The following GLIS3 variants were observed in gnomAD, a reference collection of about 807,000 sequenced individuals.
GLIS3 encodes zinc finger protein GLIS3.
GLIS3 carries 53 observed loss-of-function variants against 78.6 expected under a neutral mutation model. That is an observed-to-expected ratio of 0.67 (90% CI 0.54 to 0.85). GLIS3 has a LOEUF of 0.85. Ranked by LOEUF, GLIS3 falls within the 40% of genes least tolerant of loss-of-function variation. The probability of loss-of-function intolerance (pLI) is 0.00; values close to 1 mark genes in which losing one functional copy is unlikely to be tolerated. For synonymous variants in GLIS3, 684 were observed against 509.9 expected (o/e 1.34, Z -4.60); for missense variants, 1,703 against 1,231.1 (o/e 1.38, Z -5.74).
At chr9:4,007,868 T>C (rs1821679878) in intron 4 of GLIS3, among the ~76,000 whole-genome samples, 1 of 34,860 alleles carries the variant, frequency 2.9e-5, no homozygotes, top group Admixed American at 4.1e-4. Flanking sequence ...CAAATACCCA[T>C]GGCAGGTCGG....
At chr9:4,474,015 T>A in the GLIS3 span, among the ~76,000 whole-genome samples, 11 of 131,194 alleles carry the variant, frequency 8.4e-5, no homozygotes, top group African/African-American at 2.7e-4. Context: ...AAGATGTCAG[T>A]TCCCCCCTAA....
At chr9:4,392,175 C>G in the GLIS3 span, among the ~76,000 whole-genome samples, 3 of 151,866 alleles carry the variant, frequency 2.0e-5, no homozygotes, top group African/African-American at 4.8e-5. Context: ...CAAGTTCTCA[C>G]TCATCGCTGA....
intron 4 of GLIS3, among the ~76,000 whole-genome samples, chr9:4,109,192 G>A (rs1831015167): frequency 6.6e-6 from 1 of 152,046 alleles, no homozygotes; most frequent in Admixed American, 6.5e-5. Flanking sequence ...ATCTTGAAAA[G>A]GCTGACAAGC....
chr9:4,427,102 T>C, the GLIS3 span, among the ~76,000 whole-genome samples: 2 of 152,204 alleles, frequency 1.3e-5, no homozygotes, highest in Non-Finnish European at 2.9e-5. Flanking sequence ...AAAAGTTTTA[T>C]CTAAGAACTT....
intron 2 of GLIS3, among the ~76,000 whole-genome samples, chr9:4,188,222 G>C (rs1329181537): frequency 6.6e-6 from 1 of 151,638 alleles, no homozygotes; most frequent in Middle Eastern, 3.4e-3. Context: ...GTTGAATTTT[G>C]TCAAAGGCCT....
the GLIS3 span, among the ~76,000 whole-genome samples, chr9:4,395,571 C>A: frequency 1.3e-5 from 2 of 152,128 alleles, no homozygotes; most frequent in African/African-American, 4.8e-5. Context: ...GGTGATACCT[C>A]TCCTTCGTCC....
intron 2 of GLIS3, among the ~76,000 whole-genome samples, chr9:4,245,185 G>C (rs1823689392): frequency 6.6e-6 from 1 of 152,206 alleles, no homozygotes; most frequent in African/African-American, 2.4e-5. Flanking sequence ...AATCAGTCCA[G>C]ATCATGTTGG....
At chr9:4,398,825 A>C in the GLIS3 span, among the ~76,000 whole-genome samples, 5,013 of 152,250 alleles carry the variant, frequency 0.033, 144 homozygotes, top group South Asian at 0.092. Flanking sequence ...AGTAGCTGGG[A>C]TTACAGGTGC....
At chr9:4,131,821 C>T (rs1259005651) in intron 2 of GLIS3, among the ~76,000 whole-genome samples, 1 of 152,050 alleles carries the variant, frequency 6.6e-6, no homozygotes, top group African/African-American at 2.4e-5. Context: ...ATAGAGGACT[C>T]AGCACACTAT....
the GLIS3 span, among the ~76,000 whole-genome samples, chr9:4,411,935 T>C: frequency 6.6e-6 from 1 of 152,270 alleles, no homozygotes; most frequent in Non-Finnish European, 1.5e-5. Context: ...CTAACTAGTT[T>C]AGATAAAATA....
chr9:4,436,575 C>T, the GLIS3 span, among the ~76,000 whole-genome samples: 8 of 152,046 alleles, frequency 5.3e-5, no homozygotes, highest in South Asian at 6.3e-4. Flanking sequence ...GAGGCCAAGG[C>T]GGGTGGATCA....
chr9:4,155,035 G>C (rs1403686721), intron 2 of GLIS3, among the ~76,000 whole-genome samples: 1 of 152,066 alleles, frequency 6.6e-6, no homozygotes, highest in Non-Finnish European at 1.5e-5. Context: ...TTTAGAATAA[G>C]GCACAAGACA....
chr9:3,880,704 C>G (rs1196918690), intron 7 of GLIS3, among the ~76,000 whole-genome samples: 1 of 152,104 alleles, frequency 6.6e-6, no homozygotes, highest in Admixed American at 6.5e-5. Flanking sequence ...CCACTTTTCC[C>G]CAACCTCTCC....
chr9:3,895,172 G>A (rs1547127), intron 7 of GLIS3, among the ~76,000 whole-genome samples: 114,304 of 152,150 alleles, frequency 0.75, 42,976 homozygotes, highest in East Asian at 0.81. Context: ...GTTCATCACA[G>A]GTGTTCACCA....
At chr9:3,931,610 C>T (rs1825620936) in intron 6 of GLIS3, among the ~76,000 whole-genome samples, 1 of 152,122 alleles carries the variant, frequency 6.6e-6, no homozygotes, top group South Asian at 2.1e-4. Flanking sequence ...CTAGGAAATG[C>T]CTTGAAAGGT....
Position 4,118,506 on chromosome 9 carries a change from G to A in GLIS3, c.972C>T (p.Pro324=). ...IDFNTIIRTS[P]TSLVAYINGS... Reference sequence around the variant, plus strand: ...CGTTGATGTAGGCCACCAAGGACGTGGGCGACGTGCGGATGATGGTATTGA... The same window carrying A: ...CGTTGATGTAGGCCACCAAGGACGTAGGCGACGTGCGGATGATGGTATTGA... The change falls in exon 4 of 11, where the codon CCC becomes CCT. Residue 324 remains proline, a synonymous_variant. Coordinates refer to ENST00000381971, the MANE Select transcript of GLIS3 (RefSeq NM_001042413.2). This position sits in a 1 kb window ranked among gnomAD's most constrained non-coding sequence, Gnocchi z 4.7. 2 of 1,614,228 alleles carry A rather than the reference G, an allele frequency of 1.2e-6. No homozygotes were observed. Among genetic ancestry groups the A allele is most frequent in the Non-Finnish European group, 1.7e-6 (2 of 1,180,036 alleles).
At chr9:4,008,999 G>C (rs1821785589) in intron 4 of GLIS3, among the ~76,000 whole-genome samples, 1 of 152,174 alleles carries the variant, frequency 6.6e-6, no homozygotes, top group Non-Finnish European at 1.5e-5. Flanking sequence ...GCATGAGAGA[G>C]ATGCATTCCT....
intron 2 of GLIS3, among the ~76,000 whole-genome samples, chr9:4,163,437 C>T (rs1835659459): frequency 6.6e-6 from 1 of 152,230 alleles, no homozygotes; most frequent in Non-Finnish European, 1.5e-5. Flanking sequence ...AGTGATTTGT[C>T]CAAGATCATG....
intron 4 of GLIS3, among the ~76,000 whole-genome samples, chr9:4,006,901 T>A (rs1166010541): frequency 6.6e-6 from 1 of 152,214 alleles, no homozygotes; most frequent in Non-Finnish European, 1.5e-5. Flanking sequence ...AGGTGACAGA[T>A]GTTTCATAAA....
Sources: gnomAD v4.1 joint callset for allele counts (sites outside exome capture counted in the v4.1 genomes callset) on GRCh38, gnomAD v4.1.1 for gene constraint, Gnocchi (gnomAD v3.1) non-coding constraint, MANE v1.5 for transcripts, NCBI Gene and HGNC (gene_info 2026-07-23, HGNC 2026-07-21) for gene names.